The following DYM variants were observed in gnomAD, a reference collection of about 807,000 sequenced individuals.
DYM encodes the protein dymeclin.
In DYM, 78 loss-of-function variants were observed where a neutral mutation model predicts 93.1. The observed-to-expected ratio is 0.84, with a 90% CI of 0.70 to 1.01. DYM has a LOEUF of 1.01. Ranked by LOEUF, DYM falls within the 50% of genes least tolerant of loss-of-function variation. DYM has a pLI of 0.00. For missense variants in DYM, 789 were observed against 845.0 expected (o/e 0.93, Z 0.82); for synonymous variants, 321 against 319.7 (o/e 1.00, Z -0.04).
At chr18:49,364,946 A>G (rs552454753) in intron 5 of DYM, among the ~76,000 whole-genome samples, 40 of 152,310 alleles carry the variant, frequency 2.6e-4, no homozygotes, top group South Asian at 1.9e-3. Context: ...TGCCTTGTGC[A>G]TGCCTCTTGC....
intron 17 of DYM, among the ~76,000 whole-genome samples, chr18:49,057,590 C>CACAA (rs2075610377): frequency 6.6e-6 from 1 of 152,244 alleles, no homozygotes; most frequent in African/African-American, 2.4e-5. Context: ...CTGCACCAGG[C>CACAA]ACACCACCAT....
At chr18:49,417,160 T>C (rs370729735) in intron 2 of DYM, among the ~76,000 whole-genome samples, 1 of 152,134 alleles carries the variant, frequency 6.6e-6, no homozygotes, top group African/African-American at 2.4e-5. Context: ...GGTGGTGGTG[T>C]TGTTTGAGAC....
intron 16 of DYM, among the ~76,000 whole-genome samples, chr18:49,099,089 T>G (rs1218328621): frequency 1.3e-5 from 2 of 152,164 alleles, no homozygotes; most frequent in Non-Finnish European, 2.9e-5. Context: ...ATTATCTTCT[T>G]TGACCAAAAA....
At chr18:49,223,082 T>C (rs536696384) in intron 13 of DYM, among the ~76,000 whole-genome samples, 1 of 152,224 alleles carries the variant, frequency 6.6e-6, no homozygotes, top group East Asian at 1.9e-4. Flanking sequence ...AAATGATCTA[T>C]CATCTAGAGT....
chr18:49,332,354 A>G (rs527265), intron 7 of DYM, among the ~76,000 whole-genome samples: 111,404 of 152,066 alleles, frequency 0.73, 40,777 homozygotes, highest in Admixed American at 0.76. Context: ...CTCCCGCTTC[A>G]GCCTCCCAAA....
chr18:49,329,530 A>C (rs1045202229), intron 8 of DYM: 2 of 152,246 alleles, frequency 1.3e-5, no homozygotes, highest in African/African-American at 2.4e-5. Flanking sequence ...AACCAAAAAC[A>C]CATCTGTAAA....
chr18:49,221,707 G>A (rs1275086336), intron 13 of DYM, among the ~76,000 whole-genome samples: 1 of 152,080 alleles, frequency 6.6e-6, no homozygotes, highest in East Asian at 1.9e-4. Context: ...ATTGAACAAT[G>A]AGAACACATG....
rs146255980 is a variant in DYM at position 49,037,090 on chromosome 18, C to T, written c.*6965G>A. Reference sequence around the variant, plus strand: ...CTAATTTTTGTATTTTTAGTAGAGACGGGGTTTCATCATGTTGGCCAGGCT... The same window carrying T: ...CTAATTTTTGTATTTTTAGTAGAGATGGGGTTTCATCATGTTGGCCAGGCT... On this transcript the variant is annotated 3_prime_UTR_variant, in exon 18 of 18. Transcript: ENST00000675505. Among the ~76,000 whole-genome samples the T allele has an allele frequency of 8.0e-3, 1,220 of 152,082 alleles. 27 individuals carry two copies. The highest frequency in any genetic ancestry group is 0.068 in the South Asian group (327 of 4,818).
At chr18:49,103,716 G>A (rs186053131) in intron 16 of DYM, among the ~76,000 whole-genome samples, 1,522 of 152,176 alleles carry the variant, frequency 0.01, 22 homozygotes, top group African/African-American at 0.035. Flanking sequence ...AAGATCAGAT[G>A]GTTGTAGATA....
At chr18:49,323,841 A>T (rs918017616) in intron 8 of DYM, among the ~76,000 whole-genome samples, 4 of 152,202 alleles carry the variant, frequency 2.6e-5, no homozygotes, top group African/African-American at 9.7e-5. Flanking sequence ...GTCTTCAGTC[A>T]TTTGCTTTAT....
At position 49,282,270 on chromosome 18, in the gene DYM, A is replaced by G. The variant is rs750940391; in HGVS notation, c.947-95T>C. 11 of 1,180,902 alleles carry G rather than the reference A, an allele frequency of 9.3e-6. No homozygotes were observed. The East Asian group carries it at 1.5e-4, about 16-fold the overall frequency. 73.2% of individuals were successfully genotyped at this position (1,180,902 alleles called of 1,614,324 possible). A position where few individuals can be genotyped will look rare whatever the true frequency, so the allele number is the denominator to read the frequency against. ...TAATGTGTACAACTCAATTCCCATT[A>G]ATTTTATGGAAAGTCACTACATTTC... On this transcript the variant is annotated intron_variant, in intron 9 of 17. Transcript: ENST00000675505.
At chr18:49,258,807 C>G (rs1330954358) in intron 11 of DYM, among the ~76,000 whole-genome samples, 62 of 136,058 alleles carry the variant, frequency 4.6e-4, no homozygotes, top group Non-Finnish European at 1.7e-4. Context: ...CACACACACA[C>G]ACACACACAC....
chr18:49,271,193 A>G (rs1288375235), intron 11 of DYM, among the ~76,000 whole-genome samples: 2 of 152,176 alleles, frequency 1.3e-5, no homozygotes, highest in Admixed American at 6.5e-5. Flanking sequence ...CTGTTGAAGT[A>G]TTGGGGGTAG....
intron 14 of DYM, among the ~76,000 whole-genome samples, chr18:49,181,766 G>A (rs2089949404): frequency 6.6e-6 from 1 of 152,124 alleles, no homozygotes; most frequent in South Asian, 2.1e-4. Context: ...CTCAAGGAAT[G>A]AGCTTTTGGT....
Position 49,388,066 on chromosome 18 carries a change from C to A in DYM, c.193+3527G>T, listed in dbSNP as rs796371248. ...CAAAAGGAAAGATTAGTACCAGGCA[C>A]AGTAGCTCACACTTGTAATCCCAGC... On this transcript the variant is annotated intron_variant, in intron 3 of 17. Coordinates refer to ENST00000675505, the MANE Select transcript of DYM (RefSeq NM_001353214.3). Among the ~76,000 whole-genome samples, 52 of 152,274 alleles carry A rather than the reference C, an allele frequency of 3.4e-4. 1 individual carries two copies. Among genetic ancestry groups the A allele is most frequent in the African/African-American group, 1.2e-3 (51 of 41,566 alleles).
intron 15 of DYM, among the ~76,000 whole-genome samples, chr18:49,129,869 T>C (rs1204696069): frequency 6.6e-6 from 1 of 152,120 alleles, no homozygotes; most frequent in Non-Finnish European, 1.5e-5. Flanking sequence ...TTTCATTGTC[T>C]CTAGGGGGAT....
Position 49,043,786 on chromosome 18 carries a change from G to A in DYM, c.*269C>T, listed in dbSNP as rs981660560. The A allele has an allele frequency of 3.7e-5, 17 of 456,974 alleles. No individual in the cohort carries two copies. The highest frequency in any genetic ancestry group is 6.3e-4 in the Middle Eastern group (1 of 1,592). 28.3% of individuals were successfully genotyped at this position (456,974 alleles called of 1,614,324 possible). ...GGGAAAGCTCTAGATTTTTGGCTTC[G>A]AAATAAAACTGCATGTTGAATAGCA... On this transcript the variant is annotated 3_prime_UTR_variant, in exon 18 of 18. Coordinates refer to ENST00000675505, the MANE Select transcript of DYM (RefSeq NM_001353214.3).
intron 11 of DYM, among the ~76,000 whole-genome samples, chr18:49,264,505 A>G (rs533110090): frequency 6.6e-6 from 1 of 151,940 alleles, no homozygotes; most frequent in South Asian, 2.1e-4. Flanking sequence ...AACATCACCA[A>G]CTCTTGATAT....
At chr18:49,156,812 C>A (rs984809414) in intron 15 of DYM, among the ~76,000 whole-genome samples, 1 of 151,870 alleles carries the variant, frequency 6.6e-6, no homozygotes, top group Non-Finnish European at 1.5e-5. Context: ...GTCATATGCC[C>A]CCCTCCTAGA....
Sources: allele counts gnomAD v4.1 joint callset (sites outside exome capture counted in the v4.1 genomes callset), GRCh38; gene constraint gnomAD v4.1.1; transcripts MANE v1.5; gene names NCBI Gene and HGNC (gene_info 2026-07-23, HGNC 2026-07-21).